HGH1: variants seen among roughly 807,000 people sequenced by gnomAD.
HGH1 encodes co-chaperone protein HGH1 homolog.
Under a neutral mutation model 31.7 loss-of-function variants are expected in HGH1, and 31 were observed. The ratio of observed to expected loss-of-function variants is 0.98; its 90% confidence interval spans 0.73 to 1.32. HGH1 has a LOEUF of 1.32. Ranked by LOEUF, HGH1 falls within the 40% of genes most tolerant of loss-of-function variation. HGH1 has a pLI of 0.00. For synonymous variants in HGH1, 284 were observed against 293.6 expected, an observed-to-expected ratio of 0.97 and a Z score of 0.34; for missense variants, 618 against 594.4, an observed-to-expected ratio of 1.04 and a Z score of -0.41.
At chr8:144,138,977 G>C in intron 3 of HGH1, 32 bp from the exon 4 acceptor site, 1 of 1,610,338 alleles carries the variant, frequency 6.2e-7, no homozygotes, top group East Asian at 2.2e-5. Context: ...CCCAGCCCAG[G>C]GACACAGTGG....
chr8:144,139,248 T>C lies in HGH1; in HGVS notation c.945T>C (p.Leu315=). 6.2e-7 allele frequency: 1 copy of C among 1,613,832 alleles called. No individual in the cohort carries two copies. The highest frequency in any genetic ancestry group is 8.5e-7 in the Non-Finnish European group (1 of 1,179,808). ...GGGACCAGGGAGCCTACCTGATCCT[T>C]CGAGAGCTGCACAGCTGGGAGCCGG... is the stretch of plus-strand genomic sequence containing the variant. ...QVRDQGAYLI[L]RELHSWEPEP... The change falls in exon 5 of 6, where the codon CTT becomes CTC. Residue 315 remains leucine (L), a synonymous_variant. Coordinates refer to ENST00000347708, the MANE Select transcript of HGH1 (RefSeq NM_016458.4).
At position 144,139,608 on chromosome 8, in the gene HGH1, C is replaced by A; in HGVS notation, c.*56C>A. ...TCCCCTTTGCCAGGCTTTCTCAGAC[C>A]AGGCCTTCCTGCAGCTGTCTGCAGG... is the stretch of plus-strand genomic sequence containing the variant. On this transcript the variant is annotated 3_prime_UTR_variant, in exon 6 of 6. Transcript: ENST00000347708. 6.5e-7 allele frequency: 1 copy of A among 1,546,682 alleles called. No homozygotes were observed. Among genetic ancestry groups the A allele is most frequent in the Non-Finnish European group, 8.7e-7 (1 of 1,145,966 alleles).
Position 144,137,923 on chromosome 8 carries a change from G to T in HGH1, c.88G>T (p.Ala30Ser), listed in dbSNP as rs1815116260. ...AEVVKLLPFLAPGARADLQAA... is the reference protein window; with the variant it reads ...AEVVKLLPFLSPGARADLQAA... ...GGTGGTGAAGCTGCTGCCCTTCCTG[G>T]CGCCGGGCGCGCGGGCGGACCTGCA... is the stretch of plus-strand genomic sequence containing the variant. Residue 30 changes from alanine (A) to serine (S), a missense_variant, in exon 1 of 6, where the codon GCG becomes TCG. Transcript: ENST00000347708. 18 of 1,325,520 alleles carry T rather than the reference G, an allele frequency of 1.4e-5. No homozygotes were observed. The highest frequency in any genetic ancestry group is 2.0e-5 in the South Asian group (1 of 49,302). The allele number at this position is 1,325,520 out of a possible 1,614,324, so 82.1% of individuals were successfully genotyped here.
Position 144,138,415 on chromosome 8 carries a change from C to G in HGH1, c.580C>G (p.Leu194Val). 1.3e-6 allele frequency: 2 copies of G among 1,588,988 alleles called. No individual in the cohort carries two copies. Among genetic ancestry groups the G allele is most frequent in the Non-Finnish European group, 1.7e-6 (2 of 1,176,096 alleles). ...SQRPAARAFL[L>V]DPDRCVVQRL... ...ACGCCCTGCGGCGCGGGCCTTCCTACTGGACCCCGACAGGTGAAGCCCAGG... is the reference window on the plus strand; with the variant it reads ...ACGCCCTGCGGCGCGGGCCTTCCTAGTGGACCCCGACAGGTGAAGCCCAGG... The change falls in exon 1 of 6, where the codon CTG becomes GTG. Residue 194 changes from leucine to valine, a missense_variant. By Grantham distance (32) the Leu-to-Val change is conservative. Transcript: ENST00000347708.
chr8:144,139,822 A>AG lies in HGH1; in HGVS notation c.*272dup. 1 of 591,046 alleles carries AG rather than the reference A, an allele frequency of 1.7e-6. No homozygotes were observed. The highest frequency in any genetic ancestry group is 3.0e-6 in the Non-Finnish European group (1 of 336,114). 36.6% of individuals were successfully genotyped at this position (591,046 alleles called of 1,614,324 possible). A position where few individuals can be genotyped will look rare whatever the true frequency, so the allele number is the denominator to read the frequency against. On this transcript the variant is annotated 3_prime_UTR_variant, in exon 6 of 6. Coordinates refer to ENST00000347708, the MANE Select transcript of HGH1 (RefSeq NM_016458.4). ...TGCCTGTGCAGAAGGTGGAGGTGGC[A>AG]GGCGGATGGCCAGGGAGCCATGAGA...
intron 1 of HGH1, 31 bp downstream of exon 1, chr8:144,138,459 AG>A: frequency 6.3e-7 from 1 of 1,589,448 alleles, no homozygotes; most frequent in Non-Finnish European, 8.5e-7. Flanking sequence ...GCGGGCGGGG[AG>A]GGGACGGAAG....
chr8:144,138,189 G>A lies in HGH1; in HGVS notation c.354G>A (p.Trp118Ter). Residue 118 changes from tryptophan (W) to a stop codon, truncating the protein, a stop_gained, in exon 1 of 6, where the codon TGG (tryptophan) becomes TGA (stop). Coordinates refer to ENST00000347708, the MANE Select transcript of HGH1 (RefSeq NM_016458.4). LOFTEE classifies it high-confidence loss of function. ...TGGGCCGCGCGTTGGACCCGCAGTGGCCCTGGGCCGAGGAGGCGGCCGCCG... is the reference window on the plus strand; with the variant it reads ...TGGGCCGCGCGTTGGACCCGCAGTGACCCTGGGCCGAGGAGGCGGCCGCCG... ...RLMGRALDPQ[W>*]PWAEEAAAAL... 1 of 1,360,398 alleles carries A rather than the reference G, an allele frequency of 7.4e-7. No homozygotes were observed. The highest frequency in any genetic ancestry group is 9.4e-7 in the Non-Finnish European group (1 of 1,063,428). 84.3% of individuals were successfully genotyped at this position (1,360,398 alleles called of 1,614,324 possible). A position where few individuals can be genotyped will look rare whatever the true frequency, so the allele number is the denominator to read the frequency against.
At position 144,138,041 on chromosome 8, in the gene HGH1, T is replaced by C. The variant is rs1346832332; in HGVS notation, c.206T>C (p.Met69Thr). The C allele has an allele frequency of 7.7e-6, 10 of 1,305,214 alleles. No individual in the cohort carries two copies. The highest frequency in any genetic ancestry group is 3.7e-5 in the South Asian group (2 of 53,420). 80.9% of individuals were successfully genotyped at this position (1,305,214 alleles called of 1,614,324 possible). Residue 69 changes from methionine to threonine, a missense_variant, in exon 1 of 6, where the codon ATG becomes ACG. By Grantham distance (81) the Met-to-Thr change is moderately conservative. Coordinates refer to ENST00000347708, the MANE Select transcript of HGH1 (RefSeq NM_016458.4). ...CAGGCGGCGCTGCTGCAGGCGCTGA[T>C]GGAGCTGGCGCCGGCCTCTGCCCCG... ...AGQAALLQAL[M>T]ELAPASAPAR... is the part of the protein sequence containing the mutation.
At position 144,139,602 on chromosome 8, in the gene HGH1, T is replaced by G; in HGVS notation, c.*50T>G. 1.9e-6 allele frequency: 3 copies of G among 1,547,880 alleles called. No homozygotes were observed. Among genetic ancestry groups the G allele is most frequent in the Admixed American group, 2.0e-5 (1 of 50,972 alleles). On this transcript the variant is annotated 3_prime_UTR_variant, in exon 6 of 6. Transcript: ENST00000347708. ...CCAGGGTCCCCTTTGCCAGGCTTTC[T>G]CAGACCAGGCCTTCCTGCAGCTGTC...
chr8:144,137,908 C>T lies in HGH1; in HGVS notation c.73C>T (p.Leu25=). Residue 25 remains leucine, a synonymous_variant, in exon 1 of 6, where the codon CTG becomes TTG. Transcript: ENST00000347708. ...EASPEAEVVK[L]LPFLAPGARA... is the part of the protein sequence containing the mutation. The stretch of plus-strand genomic sequence containing the variant: ...AAGCCCGGAGGCAGAGGTGGTGAAG[C>T]TGCTGCCCTTCCTGGCGCCGGGCGC... 1 of 1,322,768 alleles carries T rather than the reference C, an allele frequency of 7.6e-7. No homozygotes were observed. The highest frequency in any genetic ancestry group is 9.6e-7 in the Non-Finnish European group (1 of 1,040,046). The allele number at this position is 1,322,768 out of a possible 1,614,324, so 81.9% of individuals were successfully genotyped here.
chr8:144,138,501 C>T lies in HGH1; in HGVS notation c.594-6C>T. 6.2e-7 allele frequency: 1 copy of T among 1,608,468 alleles called. No homozygotes were observed. The highest frequency in any genetic ancestry group is 8.5e-7 in the Non-Finnish European group (1 of 1,178,288). Reference sequence around the variant, plus strand: ...GGGGACGGCCCTAAGTGACACCTCCCAACAGGTGCGTGGTCCAGCGGCTGC... The same window carrying T: ...GGGGACGGCCCTAAGTGACACCTCCTAACAGGTGCGTGGTCCAGCGGCTGC... On this transcript the variant is annotated splice_region_variant and splice_polypyrimidine_tract_variant and intron_variant, in intron 1 of 5. Transcript: ENST00000347708.
In HGH1 at chr8:144,138,359, A is replaced by G; in HGVS notation, c.524A>G (p.Tyr175Cys). The change falls in exon 1 of 6, where the codon TAC becomes TGC. Residue 175 changes from tyrosine to cysteine, a missense_variant. Coordinates refer to ENST00000347708, the MANE Select transcript of HGH1 (RefSeq NM_016458.4). Reference sequence around the variant, plus strand: ...TACAACGCCCGCGCGCCCCTGCACTACCTAGCGCCGCTGCTCTCCAACCTC... The same window carrying G: ...TACAACGCCCGCGCGCCCCTGCACTGCCTAGCGCCGCTGCTCTCCAACCTC... ...PGYNARAPLH[Y>C]LAPLLSNLSQ... is the part of the protein sequence containing the mutation. The G allele has an allele frequency of 3.2e-6, 5 of 1,571,774 alleles. No homozygotes were observed. The highest frequency in any genetic ancestry group is 4.6e-5 in the East Asian group (2 of 43,094).
chr8:144,138,819 T>G lies in HGH1; in HGVS notation c.793+6T>G. On this transcript the variant is annotated splice_donor_region_variant and intron_variant, in intron 3 of 5. Coordinates refer to ENST00000347708, the MANE Select transcript of HGH1 (RefSeq NM_016458.4). ...CTCCGAGGAAGAGATGGAACGTGAGTGGCTAGTGTGGAGCCTCAGAGTTGG... is the reference window on the plus strand; with the variant it reads ...CTCCGAGGAAGAGATGGAACGTGAGGGGCTAGTGTGGAGCCTCAGAGTTGG... The G allele has an allele frequency of 1.9e-6, 3 of 1,613,800 alleles. No individual in the cohort carries two copies. Among genetic ancestry groups the G allele is most frequent in the Non-Finnish European group, 1.7e-6 (2 of 1,179,800 alleles).
chr8:144,138,024 G>A lies in HGH1; in HGVS notation c.189G>A (p.Ala63=). ...GCGCGCTGTTGGCGGGGCAGGCGGC[G>A]CTGCTGCAGGCGCTGATGGAGCTGG... ...PGRALLAGQA[A]LLQALMELAP... Residue 63 remains alanine (A), a synonymous_variant, in exon 1 of 6, where the codon GCG becomes GCA. Transcript: ENST00000347708. 2 of 1,305,850 alleles carry A rather than the reference G, an allele frequency of 1.5e-6. No homozygotes were observed. Among genetic ancestry groups the A allele is most frequent in the Non-Finnish European group, 1.9e-6 (2 of 1,025,794 alleles). The allele number at this position is 1,305,850 out of a possible 1,614,324, so 80.9% of individuals were successfully genotyped here.
Position 144,138,713 on chromosome 8 carries a change from A to C in HGH1, c.695-2A>C. ...CGTCTCCCCACCCTCACCATCCCTC[A>C]GGACATCACGAGTGGTTGCTTGGAC... On this transcript the variant is annotated splice_acceptor_variant, in intron 2 of 5. Coordinates refer to ENST00000347708, the MANE Select transcript of HGH1 (RefSeq NM_016458.4). LOFTEE classifies it high-confidence loss of function. 3.7e-6 allele frequency: 6 copies of C among 1,613,834 alleles called. No homozygotes were observed. Among genetic ancestry groups the C allele is most frequent in the Non-Finnish European group, 8.5e-7 (1 of 1,179,816 alleles).
At position 144,138,311 on chromosome 8, in the gene HGH1, T is replaced by TGC; in HGVS notation, c.483_484dup (p.Leu162ArgfsTer16). 6.6e-7 allele frequency: 1 copy of TGC among 1,524,030 alleles called. No individual in the cohort carries two copies. Among genetic ancestry groups the TGC allele is most frequent in the Non-Finnish European group, 8.8e-7 (1 of 1,142,116 alleles). 94.4% of individuals were successfully genotyped at this position (1,524,030 alleles called of 1,614,324 possible). ...GCAGACTCGGGCCTGGAGCGGCTGG[T>TGC]GCGCGCGCTGTGCACGCCCGGCTAC... On this transcript the variant is annotated frameshift_variant, in exon 1 of 6. Transcript: ENST00000347708. LOFTEE classifies it high-confidence loss of function.
chr8:144,138,693 C>A, intron 2 of HGH1, 22 bp from the exon 3 acceptor site: 4 of 1,613,700 alleles, frequency 2.5e-6, no homozygotes, highest in Non-Finnish European at 3.4e-6. Flanking sequence ...ATTCCCGTCT[C>A]CCCACCCTCA....
Position 144,139,193 on chromosome 8 carries a change from C to T in HGH1, c.890C>T (p.Thr297Ile). The change falls in exon 5 of 6, where the codon ACA (threonine) becomes ATA (isoleucine). Residue 297 changes from threonine (T) to isoleucine (I), a missense_variant. Transcript: ENST00000347708. ...TAACCTCTTCCACCTCCTCAGCTGA[C>T]AGCCACAGCACCAGGTCGGCAGCAG... is the stretch of plus-strand genomic sequence containing the variant. ...KMLVEAIMLLTATAPGRQQVR... is the reference protein window; with the variant it reads ...KMLVEAIMLLIATAPGRQQVR... The T allele has an allele frequency of 6.2e-7, 1 of 1,614,000 alleles. No homozygotes were observed. The highest frequency in any genetic ancestry group is 8.5e-7 in the Non-Finnish European group (1 of 1,179,876).
rs968248147 is a variant in HGH1 at position 144,139,443 on chromosome 8, T to C, written c.1064T>C (p.Val355Ala). 406 of 1,600,644 alleles carry C rather than the reference T, an allele frequency of 2.5e-4. 2 individuals carry two copies. In the African/African-American group the frequency reaches 4.5e-3, roughly 18 times the overall value. The change falls in exon 6 of 6, where the codon GTG becomes GCG. Residue 355 changes from valine (V) to alanine (A), a missense_variant. Val to Ala is a moderately conservative substitution (Grantham distance 64, BLOSUM62 0). Coordinates refer to ENST00000347708, the MANE Select transcript of HGH1 (RefSeq NM_016458.4). ...ATGGAAAACCTGCTGGAGGTGCAGG[T>C]GCCTGAGGATGTGGAGCAGCAGCTG... ...RGMENLLEVQ[V>A]PEDVEQQLQQ... is the part of the protein sequence containing the mutation.
Sources: gnomAD v4.1 joint callset for allele counts on GRCh38, gnomAD v4.1.1 for gene constraint, MANE v1.5 for transcripts, NCBI Gene and HGNC (gene_info 2026-07-23, HGNC 2026-07-21) for gene names.